Variants in CASR observed in about 807,000 individuals in gnomAD.
CASR encodes the protein extracellular calcium-sensing receptor.
In CASR, 23 loss-of-function variants were observed where a neutral mutation model predicts 69.1. The observed-to-expected ratio is 0.33, with a 90% CI of 0.24 to 0.47. The LOEUF (loss-of-function observed/expected upper bound fraction) is 0.47, where lower values mean the gene tolerates loss of function less well. CASR is among the 20% of genes least tolerant of loss of function. The pLI, the probability that CASR is intolerant of heterozygous loss-of-function variation, is 1.00. For synonymous variants in CASR, 541 were observed against 544.7 expected (o/e 0.99, Z 0.10); for missense variants, 924 against 1,356.1 (o/e 0.68, Z 5.00).
intron 1 of CASR, among the ~76,000 whole-genome samples, chr3:122,217,299 T>C (rs1175072296): frequency 6.6e-6 from 1 of 152,078 alleles, no homozygotes; most frequent in African/African-American, 2.4e-5. Flanking sequence ...ACAGGGTCTT[T>C]CTTTGTTGCC....
At chr3:122,272,012 G>A (rs895437499) in intron 4 of CASR, among the ~76,000 whole-genome samples, 1 of 151,054 alleles carries the variant, frequency 6.6e-6, no homozygotes, top group African/African-American at 2.4e-5. Flanking sequence ...TCCCACCTTT[G>A]GTTGTTATGA....
intron 1 of CASR, among the ~76,000 whole-genome samples, chr3:122,252,277 C>T (rs953610511): frequency 2.2e-5 from 3 of 139,146 alleles, no homozygotes; most frequent in Non-Finnish European, 3.0e-5. Context: ...CCAGGCTGGG[C>T]GACAGAGCCA....
At position 122,285,753 on chromosome 3, in the gene CASR, A is replaced by C; in HGVS notation, c.*562A>C. 5.9e-6 allele frequency: 1 copy of C among 168,576 alleles called. No individual in the cohort carries two copies. Among genetic ancestry groups the C allele is most frequent in the Non-Finnish European group, 1.3e-5 (1 of 75,868 alleles). The allele number at this position is 168,576 out of a possible 1,614,324, so 10.4% of individuals were successfully genotyped here. ...TCCAGAAGGTTTGCACCCCTCCTAT[A>C]CCATATGTCTGCTTCTGTCCAGGAC... is the stretch of plus-strand genomic sequence containing the variant. On this transcript the variant is annotated 3_prime_UTR_variant, in exon 7 of 7. Coordinates refer to ENST00000639785, the MANE Select transcript of CASR (RefSeq NM_000388.4).
chr3:122,227,837 TACCCGTGTAACAA>T (rs2074239804), intron 1 of CASR, among the ~76,000 whole-genome samples: 1 of 152,228 alleles, frequency 6.6e-6, no homozygotes, highest in Non-Finnish European at 1.5e-5. Context: ...TCATGCAATT[TACCCGTGTAACAA>T]ACCTGTATGT....
rs1036784362 is a variant in CASR, at chr3:122,253,977, T to C, written c.-213T>C. The C allele has an allele frequency of 1.3e-5, 8 of 605,308 alleles. No individual in the cohort carries two copies. Among genetic ancestry groups the C allele is most frequent in the Non-Finnish European group, 1.8e-5 (6 of 339,266 alleles). 37.5% of individuals were successfully genotyped at this position (605,308 alleles called of 1,614,324 possible). A position where few individuals can be genotyped will look rare whatever the true frequency, so the allele number is the denominator to read the frequency against. ...CATCACAGGAGGCCTCTGCATGATGTGGCTTCCAAAGACTCAAGGACCACC... is the reference window on the plus strand; with the variant it reads ...CATCACAGGAGGCCTCTGCATGATGCGGCTTCCAAAGACTCAAGGACCACC... On this transcript the variant is annotated 5_prime_UTR_variant, in exon 2 of 7. Transcript: ENST00000639785.
chr3:122,284,966 C>A lies in CASR; in HGVS notation c.3012C>A (p.Ser1004Arg), dbSNP rs1249991104. The change falls in exon 7 of 7, where the codon AGC becomes AGA. Residue 1004 changes from serine to arginine, a missense_variant. Physicochemically the swap from Ser to Arg is moderately radical, Grantham distance 110 (BLOSUM62 -1). Transcript: ENST00000639785. ...HQNSLEAQKS[S>R]DTLTRHEPLL... ...ACTCCCTGGAGGCCCAGAAAAGCAG[C>A]GATACGCTGACCCGACACGAGCCAT... 6.2e-7 allele frequency: 1 copy of A among 1,614,192 alleles called. No homozygotes were observed. Among genetic ancestry groups the A allele is most frequent in the East Asian group, 2.2e-5 (1 of 44,880 alleles).
intron 4 of CASR, among the ~76,000 whole-genome samples, chr3:122,270,091 C>T (rs2074741871): frequency 6.6e-6 from 1 of 152,156 alleles, no homozygotes; most frequent in Non-Finnish European, 1.5e-5. Context: ...ATCCACCCAC[C>T]TCGGCTTCCC....
intron 1 of CASR, among the ~76,000 whole-genome samples, chr3:122,202,105 C>T (rs1424170708): frequency 6.6e-6 from 1 of 151,926 alleles, no homozygotes; most frequent in East Asian, 1.9e-4. Flanking sequence ...CGAGATCACG[C>T]CACTGCACTC....
chr3:122,261,715 G>A lies in CASR; in HGVS notation c.680G>A (p.Arg227Gln), dbSNP rs28936684. The change falls in exon 4 of 7, where the codon CGA (arginine) becomes CAA (glutamine). Residue 227 changes from arginine to glutamine, a missense_variant. This residue lies in a region of CASR where 141 missense variants were observed against 283.0 expected (regional missense o/e 0.50). Coordinates refer to ENST00000639785, the MANE Select transcript of CASR (RefSeq NM_000388.4). ...DYGRPGIEKF[R>Q]EEAEERDICI... ...GGGCGGCCGGGGATTGAGAAATTCC[G>A]AGAGGAAGCTGAGGAAAGGGATATC... 2 of 1,614,184 alleles carry A rather than the reference G, an allele frequency of 1.2e-6. No homozygotes were observed. The highest frequency in any genetic ancestry group is 1.7e-6 in the Non-Finnish European group (2 of 1,180,018).
chr3:122,191,745 A>G (rs559603474), intron 1 of CASR, among the ~76,000 whole-genome samples: 5 of 152,400 alleles, frequency 3.3e-5, no homozygotes, highest in South Asian at 2.1e-4. Flanking sequence ...AATAGGAAGA[A>G]CATTAAGACC....
At chr3:122,222,788 C>T (rs1388888216) in intron 1 of CASR, among the ~76,000 whole-genome samples, 2 of 151,978 alleles carry the variant, frequency 1.3e-5, no homozygotes, top group African/African-American at 4.8e-5. Context: ...GCACATGGCA[C>T]ATACTCTAAA....
At chr3:122,187,215 C>T (rs1576809903) in intron 1 of CASR, among the ~76,000 whole-genome samples, 1 of 152,100 alleles carries the variant, frequency 6.6e-6, no homozygotes, top group Non-Finnish European at 1.5e-5. Flanking sequence ...GGCAGGTGGG[C>T]TGTAATATCT....
intron 1 of CASR, among the ~76,000 whole-genome samples, chr3:122,244,481 A>G (rs2107616817): frequency 6.6e-6 from 1 of 152,274 alleles, no homozygotes; most frequent in Admixed American, 6.5e-5. Flanking sequence ...TACAATATAG[A>G]TGAATCTTGC....
chr3:122,226,084 A>AT (rs2074219541), intron 1 of CASR, among the ~76,000 whole-genome samples: 1 of 152,090 alleles, frequency 6.6e-6, no homozygotes, highest in Admixed American at 6.5e-5. Context: ...AACGGGGAAG[A>AT]TGGGGGGGTA....
chr3:122,253,311 G>C (rs1380532193), intron 1 of CASR, among the ~76,000 whole-genome samples: 1 of 152,082 alleles, frequency 6.6e-6, no homozygotes, highest in Non-Finnish European at 1.5e-5. Flanking sequence ...GCACGATCTC[G>C]GCTCACTGCA....
chr3:122,277,048 C>CTT (rs11341423), intron 5 of CASR, among the ~76,000 whole-genome samples: 8,065 of 129,446 alleles, frequency 0.062, 352 homozygotes, highest in Middle Eastern at 0.11. Context: ...GACCACTTTT[C>CTT]TTTTTTTTTT....
intron 1 of CASR, among the ~76,000 whole-genome samples, chr3:122,204,029 T>A (rs988581394): frequency 1.1e-4 from 17 of 152,192 alleles, no homozygotes; most frequent in African/African-American, 4.1e-4. Flanking sequence ...CATTCATGTA[T>A]CTTGTACAGA....
At chr3:122,233,756 AG>A (rs2074301677) in intron 1 of CASR, among the ~76,000 whole-genome samples, 1 of 152,210 alleles carries the variant, frequency 6.6e-6, no homozygotes, top group Admixed American at 6.5e-5. Flanking sequence ...CTTCACAGGA[AG>A]GTAACCAGCT....
chr3:122,235,250 C>G (rs1234529115), intron 1 of CASR, among the ~76,000 whole-genome samples: 3 of 152,188 alleles, frequency 2.0e-5, no homozygotes, highest in Non-Finnish European at 4.4e-5. Context: ...CAAGACTCTG[C>G]TCGGAAAGGT....
Sources: allele counts gnomAD v4.1 joint callset (sites outside exome capture counted in the v4.1 genomes callset), GRCh38; gene constraint gnomAD v4.1.1; regional missense constraint gnomAD v4.1.1; transcripts MANE v1.5; gene names NCBI Gene and HGNC (gene_info 2026-07-23, HGNC 2026-07-21).